The following KCNQ4 variants were observed in gnomAD, a reference collection of about 807,000 sequenced individuals.
KCNQ4 encodes the protein potassium voltage-gated channel subfamily KQT member 4.
Under a neutral mutation model 72.6 loss-of-function variants are expected in KCNQ4, and 31 were observed. The observed-to-expected ratio is 0.43, with a 90% CI of 0.32 to 0.58. The LOEUF is 0.58. Ranked by LOEUF, KCNQ4 falls within the 20% of genes least tolerant of loss-of-function variation. The pLI, the probability that KCNQ4 is intolerant of heterozygous loss-of-function variation, is 0.08. For synonymous variants in KCNQ4, 405 were observed against 403.7 expected, an observed-to-expected ratio of 1.00 and a Z score of -0.04; for missense variants, 869 against 962.6, an observed-to-expected ratio of 0.90 and a Z score of 1.29.
In KCNQ4 at chr1:40,784,080, GC is replaced by G; in HGVS notation, c.-11del. On this transcript the variant is annotated 5_prime_UTR_variant, in exon 1 of 14. Coordinates refer to ENST00000347132, the MANE Select transcript of KCNQ4 (RefSeq NM_004700.4). The surrounding 1 kb of genome is among the most constrained non-coding windows in gnomAD (Gnocchi z 4.1). ...CCGTGCCCGGGCCCCGGCGCCCCCA[GC>G]CCGGCGCCGCCCATGGCCGAGGCCC... is the stretch of plus-strand genomic sequence containing the variant. 3.1e-6 allele frequency: 1 copy of G among 327,834 alleles called. No individual in the cohort carries two copies. The highest frequency in any genetic ancestry group is 4.3e-6 in the Non-Finnish European group (1 of 230,610). The allele number at this position is 327,834 out of a possible 1,614,324, so 20.3% of individuals were successfully genotyped here.
chr1:40,787,560 C>T (rs967937516), intron 1 of KCNQ4, among the ~76,000 whole-genome samples: 1 of 152,092 alleles, frequency 6.6e-6, no homozygotes, highest in Non-Finnish European at 1.5e-5. Flanking sequence ...GCCTGTCCTG[C>T]GGCAGCTGCA....
In KCNQ4 at chr1:40,819,237, C is replaced by A. The variant is rs1048511161; in HGVS notation, c.709-110C>A. The A allele has an allele frequency of 6.7e-6, 9 of 1,348,356 alleles. No homozygotes were observed. The Admixed American group carries it at 9.2e-5, about 14-fold the overall frequency. 83.5% of individuals were successfully genotyped at this position (1,348,356 alleles called of 1,614,324 possible). On this transcript the variant is annotated intron_variant, in intron 4 of 13. Transcript: ENST00000347132. Reference sequence around the variant, plus strand: ...GGAGGAGCTGAGAAAGAAAAGCGAGCCTGGGACTCCGGGAGATGGGGGACC... The same window carrying A: ...GGAGGAGCTGAGAAAGAAAAGCGAGACTGGGACTCCGGGAGATGGGGGACC...
Position 40,817,481 on chromosome 1 carries a change from C to A in KCNQ4, c.405+126C>A. 1.5e-6 allele frequency: 1 copy of A among 646,688 alleles called. No individual in the cohort carries two copies. 40.1% of individuals were successfully genotyped at this position (646,688 alleles called of 1,614,324 possible). ...GCTGGGAGTCCGGGACTGAAGGGGG[C>A]TGTGTGAGGTAGCACCTCTGGGCTG... On this transcript the variant is annotated intron_variant, in intron 2 of 13. Coordinates refer to ENST00000347132, the MANE Select transcript of KCNQ4 (RefSeq NM_004700.4). This position sits in a 1 kb window ranked among gnomAD's most constrained non-coding sequence, Gnocchi z 5.5.
chr1:40,784,418 G>A lies in KCNQ4; in HGVS notation c.314+11G>A, dbSNP rs905517984. 6.2e-7 allele frequency: 1 copy of A among 1,605,828 alleles called. No individual in the cohort carries two copies. On this transcript the variant is annotated intron_variant, in intron 1 of 13. Coordinates refer to ENST00000347132, the MANE Select transcript of KCNQ4 (RefSeq NM_004700.4). This position sits in a 1 kb window ranked among gnomAD's most constrained non-coding sequence, Gnocchi z 4.1. ...CTACCACGTCTTCATGTGAGTTTGC[G>A]ACCCCGCGCCCTTCCGCGTTTCCCC...
intron 1 of KCNQ4, among the ~76,000 whole-genome samples, chr1:40,795,255 CTTTTT>C (rs10632610): frequency 1.6e-5 from 2 of 128,498 alleles, no homozygotes; most frequent in Non-Finnish European, 3.2e-5. Flanking sequence ...GTGGTTTTAC[CTTTTT>C]TTTTTTTTTT....
Position 40,824,435 on chromosome 1 carries a change from G to T in KCNQ4, c.1292+177G>T, listed in dbSNP as rs369766451. Among the ~76,000 whole-genome samples, 9 of 152,352 alleles carry T rather than the reference G, an allele frequency of 5.9e-5. No homozygotes were observed. In the South Asian group the frequency reaches 1.9e-3, roughly 32 times the overall value. ...ACAGACTGAGGGCCTCTCTGGAGGGGTCAGGCTGGACTCACCTTTTTGTCC... is the reference window on the plus strand; with the variant it reads ...ACAGACTGAGGGCCTCTCTGGAGGGTTCAGGCTGGACTCACCTTTTTGTCC... On this transcript the variant is annotated intron_variant, in intron 9 of 13. Coordinates refer to ENST00000347132, the MANE Select transcript of KCNQ4 (RefSeq NM_004700.4).
chr1:40,817,466 CGGG>C lies in KCNQ4; in HGVS notation c.405+112_405+114del. ...AGGTAGCACCTCTGGGCTGGGAGTC[CGGG>C]ACTGAAGGGGGCTGTGTGAGGTAGC... On this transcript the variant is annotated intron_variant, in intron 2 of 13. Coordinates refer to ENST00000347132, the MANE Select transcript of KCNQ4 (RefSeq NM_004700.4). This position sits in a 1 kb window ranked among gnomAD's most constrained non-coding sequence, Gnocchi z 5.5. 1.4e-6 allele frequency: 1 copy of C among 726,048 alleles called. No homozygotes were observed. Among genetic ancestry groups the C allele is most frequent in the African/African-American group, 1.9e-5 (1 of 53,722 alleles). The allele number at this position is 726,048 out of a possible 1,614,324, so 45.0% of individuals were successfully genotyped here.
chr1:40,796,503 C>A (rs973583122), intron 1 of KCNQ4, among the ~76,000 whole-genome samples: 1 of 152,226 alleles, frequency 6.6e-6, no homozygotes, highest in Non-Finnish European at 1.5e-5. Context: ...TGTAGCAGGG[C>A]CAGGATTCTA....
At chr1:40,786,483 A>T (rs1367909394) in intron 1 of KCNQ4, among the ~76,000 whole-genome samples, 14 of 151,982 alleles carry the variant, frequency 9.2e-5, no homozygotes, top group Admixed American at 9.2e-4. Flanking sequence ...GCTTGTCCTG[A>T]CCACTTGTCC....
Position 40,838,632 on chromosome 1 carries a change from G to A in KCNQ4, c.*109G>A. 1 of 1,047,924 alleles carries A rather than the reference G, an allele frequency of 9.5e-7. No homozygotes were observed. Among genetic ancestry groups the A allele is most frequent in the South Asian group, 1.3e-5 (1 of 76,796 alleles). The allele number at this position is 1,047,924 out of a possible 1,614,324, so 64.9% of individuals were successfully genotyped here. ...CGTACTTGAACTCACTCCCTCACGG[G>A]GAGAGAGACCACACGCAGTATTGAG... On this transcript the variant is annotated 3_prime_UTR_variant, in exon 14 of 14. Transcript: ENST00000347132.
chr1:40,835,162 G>A, intron 12 of KCNQ4, 64 bp downstream of exon 12: 4 of 1,580,676 alleles, frequency 2.5e-6, no homozygotes, highest in Non-Finnish European at 3.4e-6. Context: ...CCTGAATGAA[G>A]TCTGAGGCCA....
In KCNQ4 at chr1:40,818,297, A is replaced by G; in HGVS notation, c.532+7A>G. ...AAGCCCTTCTGTGTCATCGGTAATG[A>G]GGCGCGCCCCGCCCGACCTGACCCC... On this transcript the variant is annotated splice_region_variant and intron_variant, in intron 3 of 13. Transcript: ENST00000347132. 6.2e-7 allele frequency: 1 copy of G among 1,613,522 alleles called. No individual in the cohort carries two copies. The highest frequency in any genetic ancestry group is 2.2e-5 in the East Asian group (1 of 44,846).
intron 9 of KCNQ4, among the ~76,000 whole-genome samples, chr1:40,829,102 C>T (rs1377559174): frequency 5.9e-5 from 9 of 152,382 alleles, no homozygotes; most frequent in South Asian, 2.1e-4. Context: ...TTCTCCAGAA[C>T]GCCATTGGAG....
chr1:40,831,636 A>C (rs1433969834), intron 10 of KCNQ4, among the ~76,000 whole-genome samples: 4 of 152,196 alleles, frequency 2.6e-5, no homozygotes, highest in African/African-American at 9.6e-5. Context: ...CATTCTCCTC[A>C]TTCATAAAAT....
At chr1:40,827,362 A>T (rs1204963905) in intron 9 of KCNQ4, among the ~76,000 whole-genome samples, 1 of 152,176 alleles carries the variant, frequency 6.6e-6, no homozygotes, top group Non-Finnish European at 1.5e-5. Context: ...AAGCCCTAAA[A>T]GCAGTGGGTT....
rs1648111238 is a variant in KCNQ4 at position 40,817,241 on chromosome 1, C to T, written c.315-24C>T. The T allele has an allele frequency of 6.3e-7, 1 of 1,596,128 alleles. No individual in the cohort carries two copies. Among genetic ancestry groups the T allele is most frequent in the Non-Finnish European group, 8.6e-7 (1 of 1,164,790 alleles). On this transcript the variant is annotated intron_variant, in intron 1 of 13. Coordinates refer to ENST00000347132, the MANE Select transcript of KCNQ4 (RefSeq NM_004700.4). This position sits in a 1 kb window ranked among gnomAD's most constrained non-coding sequence, Gnocchi z 5.5. ...GTCCTGTCCCTCCAACAATCTAACC[C>T]TCTCCCTCATGTTGTAATTGCAGAT...
intron 9 of KCNQ4, among the ~76,000 whole-genome samples, chr1:40,827,727 C>T (rs1648524349): frequency 6.6e-6 from 1 of 152,168 alleles, no homozygotes; most frequent in Non-Finnish European, 1.5e-5. Flanking sequence ...GGACCACAAT[C>T]TAGCTACTAC....
At chr1:40,797,793 T>C (rs1303357389) in intron 1 of KCNQ4, among the ~76,000 whole-genome samples, 1 of 152,058 alleles carries the variant, frequency 6.6e-6, no homozygotes, top group African/African-American at 2.4e-5. Flanking sequence ...CCTAGGACTT[T>C]GCCTATAGGG....
intron 12 of KCNQ4, among the ~76,000 whole-genome samples, chr1:40,836,926 A>G (rs995467816): frequency 6.6e-6 from 1 of 152,154 alleles, no homozygotes; most frequent in Non-Finnish European, 1.5e-5. Context: ...GGTAGAGGAT[A>G]GAGATAACAC....
Sources: allele counts gnomAD v4.1 joint callset (sites outside exome capture counted in the v4.1 genomes callset), GRCh38; gene constraint gnomAD v4.1.1; non-coding constraint Gnocchi (gnomAD v3.1); transcripts MANE v1.5; gene names NCBI Gene and HGNC (gene_info 2026-07-23, HGNC 2026-07-21).